DCLK1: variants seen among roughly 807,000 people sequenced by gnomAD.
DCLK1 encodes doublecortin like kinase 1.
DCLK1 carries 16 observed loss-of-function variants against 86.2 expected under a neutral mutation model. The observed-to-expected ratio is 0.19, with a 90% CI of 0.13 to 0.28. DCLK1 has a LOEUF of 0.28. DCLK1 is among the 10% of genes least tolerant of loss of function. DCLK1 has a pLI of 1.00. For missense variants in DCLK1, 590 were observed against 940.2 expected (o/e 0.63, Z 4.87); for synonymous variants, 369 against 370.5 (o/e 1.00, Z 0.05).
chr13:35,862,843 A>C (rs1871502199), intron 5 of DCLK1, among the ~76,000 whole-genome samples: 1 of 152,168 alleles, frequency 6.6e-6, no homozygotes, highest in Non-Finnish European at 1.5e-5. Flanking sequence ...CCTATTAATG[A>C]GATCTAACCT....
chr13:35,941,571 AGGCACACATACACGTGCACG>A (rs1877086583), intron 4 of DCLK1, among the ~76,000 whole-genome samples: 1 of 152,116 alleles, frequency 6.6e-6, no homozygotes, highest in Non-Finnish European at 1.5e-5. Flanking sequence ...ACACGTGCAC[AGGCACACATACACGTGCACG>A]GGCATACACA....
chr13:36,027,137 T>A (rs1289654857), intron 3 of DCLK1, among the ~76,000 whole-genome samples: 1 of 152,184 alleles, frequency 6.6e-6, no homozygotes, highest in Non-Finnish European at 1.5e-5. Context: ...CCAACCTTTT[T>A]GGAACCGGGG....
intron 3 of DCLK1, among the ~76,000 whole-genome samples, chr13:36,105,312 A>AT (rs1885352804): frequency 6.6e-6 from 1 of 152,212 alleles, no homozygotes; most frequent in East Asian, 1.9e-4. Context: ...TTAAAATATG[A>AT]TTTTTTTCCA....
At chr13:35,796,370 G>A (rs1344811155) in intron 15 of DCLK1, among the ~76,000 whole-genome samples, 1 of 152,180 alleles carries the variant, frequency 6.6e-6, no homozygotes, top group Non-Finnish European at 1.5e-5. Context: ...TAGTGAAAAG[G>A]GAGAGTTGAA....
chr13:35,835,584 C>T (rs1869306911), intron 8 of DCLK1, among the ~76,000 whole-genome samples: 1 of 152,134 alleles, frequency 6.6e-6, no homozygotes, highest in African/African-American at 2.4e-5. Context: ...GTGTTAAATA[C>T]CACTTCTGTT....
chr13:36,108,942 C>T (rs577923577), intron 3 of DCLK1, among the ~76,000 whole-genome samples: 74 of 152,286 alleles, frequency 4.9e-4, no homozygotes, highest in African/African-American at 1.7e-3. Flanking sequence ...CACAGGACAG[C>T]GTGGAGGAAA....
intron 5 of DCLK1, among the ~76,000 whole-genome samples, chr13:35,859,383 C>A (rs949923331): frequency 6.6e-6 from 1 of 150,912 alleles, no homozygotes; most frequent in Non-Finnish European, 1.5e-5. Flanking sequence ...GTGCTTGTTA[C>A]CCTTGAATGA....
At chr13:35,887,878 CAAAAAAAAA>C (rs760195385) in intron 4 of DCLK1, among the ~76,000 whole-genome samples, 6 of 38,738 alleles carry the variant, frequency 1.5e-4, no homozygotes, top group East Asian at 1.4e-3. Context: ...GATCTTGTCT[CAAAAAAAAA>C]AAAAAAAAAA....
At chr13:36,007,778 ATAAC>A (rs1307210412) in intron 3 of DCLK1, among the ~76,000 whole-genome samples, 1 of 152,216 alleles carries the variant, frequency 6.6e-6, no homozygotes, top group Non-Finnish European at 1.5e-5. Flanking sequence ...CTGTCTTCAA[ATAAC>A]TAACGAAACT....
chr13:36,122,199 A>C (rs1886016432), intron 2 of DCLK1, among the ~76,000 whole-genome samples: 1 of 152,100 alleles, frequency 6.6e-6, no homozygotes, highest in Non-Finnish European at 1.5e-5. Flanking sequence ...CTGTGGGGTG[A>C]AGCATGGGTT....
intron 3 of DCLK1, among the ~76,000 whole-genome samples, chr13:36,007,599 C>A (rs1250051490): frequency 6.6e-6 from 1 of 152,096 alleles, no homozygotes; most frequent in Non-Finnish European, 1.5e-5. Flanking sequence ...ACTAAGGGAA[C>A]CGGAAGATAT....
rs1350798161 is a variant in DCLK1 at position 35,970,285 on chromosome 13, T to C, written c.724-22828A>G. Among the ~76,000 whole-genome samples, 3 of 152,206 alleles carry C rather than the reference T, an allele frequency of 2.0e-5. 1 individual carries two copies. The highest frequency in any genetic ancestry group is 2.9e-5 in the Non-Finnish European group (2 of 68,036). On this transcript the variant is annotated intron_variant, in intron 3 of 16. Transcript: ENST00000360631. ...TATCAGAAGTGCCACTTCCCCACAT[T>C]TGAGACCATTCACTTTGCTTTAATG...
At chr13:36,103,024 C>G (rs898637527) in intron 3 of DCLK1, among the ~76,000 whole-genome samples, 1 of 152,146 alleles carries the variant, frequency 6.6e-6, no homozygotes, top group Non-Finnish European at 1.5e-5. Context: ...GTGAAGGTGC[C>G]AGCAAGGAGC....
chr13:35,965,469 A>C (rs1220383360), intron 3 of DCLK1, among the ~76,000 whole-genome samples: 3 of 152,172 alleles, frequency 2.0e-5, no homozygotes, highest in Admixed American at 6.5e-5. Context: ...TTTGTTAGCC[A>C]GATGTTATTC....
intron 3 of DCLK1, among the ~76,000 whole-genome samples, chr13:35,974,678 T>C (rs780071596): frequency 1.3e-5 from 2 of 152,130 alleles, no homozygotes; most frequent in Non-Finnish European, 2.9e-5. Context: ...TTGTAAGTTT[T>C]CTGAGACCTC....
intron 15 of DCLK1, among the ~76,000 whole-genome samples, chr13:35,798,596 A>G (rs1008599514): frequency 6.6e-6 from 1 of 152,170 alleles, no homozygotes; most frequent in Non-Finnish European, 1.5e-5. Context: ...GCATGGCCCT[A>G]TGATTCTCTG....
chr13:35,922,158 T>C (rs1566604138), intron 4 of DCLK1, among the ~76,000 whole-genome samples: 1 of 152,210 alleles, frequency 6.6e-6, no homozygotes, highest in Non-Finnish European at 1.5e-5. Flanking sequence ...CAATCTCTGC[T>C]ATTTCTCTTA....
At chr13:35,794,072 T>C (rs535661404) in intron 15 of DCLK1, among the ~76,000 whole-genome samples, 230 of 152,364 alleles carry the variant, frequency 1.5e-3, no homozygotes, top group African/African-American at 5.3e-3. Context: ...ATAGTTTATA[T>C]TGGAGCTTAT....
chr13:35,915,621 C>T (rs1309637408), intron 4 of DCLK1, among the ~76,000 whole-genome samples: 1 of 152,112 alleles, frequency 6.6e-6, no homozygotes, highest in Non-Finnish European at 1.5e-5. Flanking sequence ...GGGAGAATAA[C>T]TTGAGTCCAG....
Sources: allele counts gnomAD v4.1 joint callset (sites outside exome capture counted in the v4.1 genomes callset), GRCh38; gene constraint gnomAD v4.1.1; transcripts MANE v1.5; gene names NCBI Gene and HGNC (gene_info 2026-07-23, HGNC 2026-07-21).